The following IQCK variants were observed in gnomAD, a reference collection of about 807,000 sequenced individuals.
The protein encoded by IQCK is IQ motif containing K.
A neutral mutation model predicts 28.1 loss-of-function variants in IQCK; 29 were observed. That is an observed-to-expected ratio of 1.03 (90% confidence interval 0.77 to 1.41). The LOEUF (loss-of-function observed/expected upper bound fraction) is 1.41. Ranked by LOEUF, IQCK falls within the 40% of genes most tolerant of loss-of-function variation. The probability of loss-of-function intolerance (pLI) is 0.00; values close to 1 mark genes in which losing one functional copy is unlikely to be tolerated. For missense variants in IQCK, 359 were observed against 314.7 expected (o/e 1.14, Z -1.07); for synonymous variants, 113 against 115.1 (o/e 0.98, Z 0.12).
At chr16:19,805,935 TC>T (rs750263171) in intron 7 of IQCK, among the ~76,000 whole-genome samples, 7 of 151,942 alleles carry the variant, frequency 4.6e-5, no homozygotes, top group Non-Finnish European at 1.0e-4. Flanking sequence ...TGGAAAGCAG[TC>T]CTCATGTGCT....
intron 3 of IQCK, 183 bp downstream of exon 3, chr16:19,734,010 G>A: frequency 5.5e-6 from 3 of 545,706 alleles, no homozygotes; most frequent in Admixed American, 3.6e-5. Flanking sequence ...GGTTAAAAAT[G>A]TAATAAAGAT....
In IQCK at chr16:19,810,521, T is replaced by C. The variant is rs959046344; in HGVS notation, c.691-16505T>C. Among the ~76,000 whole-genome samples the C allele has an allele frequency of 2.8e-4, 33 of 118,978 alleles. 1 individual carries two copies. The highest frequency in any genetic ancestry group is 3.4e-5 in the Non-Finnish European group (2 of 58,816). The allele number at this position is 118,978 out of a possible 152,430, so 78.1% of individuals were successfully genotyped here. On this transcript the variant is annotated intron_variant, in intron 7 of 7. Transcript: ENST00000564186. The stretch of plus-strand genomic sequence containing the variant: ...CAAAAAAAAAAAAAGAAAAAGAAAA[T>C]AGAGATGGTAGCCAGGTATGGTGGT...
chr16:19,823,086 A>G (rs1254336141), intron 7 of IQCK, among the ~76,000 whole-genome samples: 1 of 152,080 alleles, frequency 6.6e-6, no homozygotes, highest in Non-Finnish European at 1.5e-5. Context: ...TTTGTGTCCT[A>G]AGATGGTGGA....
rs563422709 is a variant in IQCK, at chr16:19,785,752, A to G, written c.606-3086A>G. On this transcript the variant is annotated intron_variant, in intron 6 of 7. Coordinates refer to ENST00000564186, the Ensembl canonical transcript of IQCK. The stretch of plus-strand genomic sequence containing the variant: ...AGGTGAGCATGAAGTGGCCAAAGGG[A>G]AACTTCTAGGGGGTATTTGGACCCA... 1.5e-4 allele frequency among the ~76,000 whole-genome samples: 23 copies of G among 152,288 alleles called. No homozygotes were observed. In the South Asian group the frequency reaches 4.6e-3, roughly 30 times the overall value.
At chr16:19,729,123 C>T (rs181662345) in intron 1 of IQCK, among the ~76,000 whole-genome samples, 6 of 152,246 alleles carry the variant, frequency 3.9e-5, no homozygotes, top group South Asian at 2.1e-4. Context: ...GTAGAACTTA[C>T]GTGGACTGTT....
rs187298277 is a variant in IQCK at position 19,815,747 on chromosome 16, G to C, written c.691-11279G>C. The stretch of plus-strand genomic sequence containing the variant: ...TTACCAGAATGAAAAACTAGCTTTT[G>C]TTTTGTTTCATTTTGCCAAAGATCT... On this transcript the variant is annotated intron_variant, in intron 7 of 7. Coordinates refer to ENST00000564186, the Ensembl canonical transcript of IQCK. Among the ~76,000 whole-genome samples, 12 of 152,268 alleles carry C rather than the reference G, an allele frequency of 7.9e-5. No individual in the cohort carries two copies. In the East Asian group the frequency reaches 2.3e-3, roughly 29 times the overall value.
chr16:19,764,252 GTTATTC>G, intron 6 of IQCK, 140 bp downstream of exon 6: 1 of 668,298 alleles, frequency 1.5e-6, no homozygotes. Flanking sequence ...CCTGTCTCTA[GTTATTC>G]TTAGCCTAGG....
chr16:19,775,538 T>A (rs2055379755), intron 6 of IQCK, among the ~76,000 whole-genome samples: 1 of 152,204 alleles, frequency 6.6e-6, no homozygotes, highest in African/African-American at 2.4e-5. Flanking sequence ...AAAATCATAG[T>A]ATCCCCGTTG....
intron 4 of IQCK, chr16:19,761,954 TG>T (rs369781091): frequency 1.2e-4 from 18 of 153,194 alleles, no homozygotes; most frequent in African/African-American, 4.1e-4. Flanking sequence ...CCTTAGCATG[TG>T]GCTTTGGGCC....
intron 6 of IQCK, among the ~76,000 whole-genome samples, chr16:19,771,635 T>C (rs1194093961): frequency 6.6e-6 from 1 of 152,214 alleles, no homozygotes; most frequent in Non-Finnish European, 1.5e-5. Context: ...ACCGAAGAGC[T>C]GGCCTCCCAG....
intron 9 of IQCK, among the ~76,000 whole-genome samples, chr16:19,849,828 T>G (rs1207730024): frequency 6.6e-6 from 1 of 152,018 alleles, no homozygotes; most frequent in Non-Finnish European, 1.5e-5. Flanking sequence ...CAGGGATGAT[T>G]AAATGAAGGA....
At chr16:19,783,688 T>A (rs2055524766) in intron 6 of IQCK, among the ~76,000 whole-genome samples, 1 of 152,234 alleles carries the variant, frequency 6.6e-6, no homozygotes, top group African/African-American at 2.4e-5. Flanking sequence ...GAGTAAGTCC[T>A]TTTCATTTGG....
At chr16:19,822,105 A>C (rs1351623806) in intron 7 of IQCK, among the ~76,000 whole-genome samples, 4 of 149,806 alleles carry the variant, frequency 2.7e-5, no homozygotes, top group African/African-American at 7.4e-5. Context: ...ACAAAAAAAA[A>C]CGGCCAAGTG....
chr16:19,835,677 C>T (rs541137523), intron 9 of IQCK, among the ~76,000 whole-genome samples: 3 of 151,926 alleles, frequency 2.0e-5, no homozygotes, highest in South Asian at 4.2e-4. Context: ...ATCCACCTCC[C>T]GGGTTCAAGT....
chr16:19,802,492 T>C (rs1228701353), intron 7 of IQCK, among the ~76,000 whole-genome samples: 1 of 102,284 alleles, frequency 9.8e-6, no homozygotes, highest in African/African-American at 4.2e-5. Flanking sequence ...AATCAGATGC[T>C]TCAGTCCACA....
intron 4 of IQCK, among the ~76,000 whole-genome samples, chr16:19,750,455 GTTTTGTTTGT>G (rs776934528): frequency 2.1e-4 from 32 of 149,588 alleles, no homozygotes; most frequent in Middle Eastern, 3.5e-3. Context: ...GTGTTTTTTT[GTTTTGTTTGT>G]TTTTGTTTTT....
intron 4 of IQCK, among the ~76,000 whole-genome samples, chr16:19,750,365 G>A (rs1393296958): frequency 1.3e-5 from 2 of 151,946 alleles, no homozygotes; most frequent in Non-Finnish European, 2.9e-5. Context: ...GATCTCAAGT[G>A]ATCTGTCCAC....
At chr16:19,748,956 T>C (rs930411644) in intron 4 of IQCK, among the ~76,000 whole-genome samples, 4 of 152,170 alleles carry the variant, frequency 2.6e-5, no homozygotes, top group Non-Finnish European at 5.9e-5. Flanking sequence ...CTCTTGAGAA[T>C]TTATGTCTAA....
chr16:19,739,722 G>C (rs1269115620), intron 4 of IQCK, among the ~76,000 whole-genome samples: 1 of 152,134 alleles, frequency 6.6e-6, no homozygotes, highest in Non-Finnish European at 1.5e-5. Flanking sequence ...GGCTGAGGTG[G>C]GAGAATCACT....
Sources: gnomAD v4.1 joint callset for allele counts (sites outside exome capture counted in the v4.1 genomes callset) on GRCh38, gnomAD v4.1.1 for gene constraint, MANE v1.5 for transcripts, NCBI Gene and HGNC (gene_info 2026-07-23, HGNC 2026-07-21) for gene names.